TNR: variants seen among roughly 807,000 people sequenced by gnomAD.
The protein encoded by TNR is tenascin R.
Under a neutral mutation model 150.4 loss-of-function variants are expected in TNR, and 45 were observed. The ratio of observed to expected loss-of-function variants is 0.30; its 90% CI spans 0.24 to 0.38. The LOEUF (loss-of-function observed/expected upper bound fraction) is 0.38. TNR is among the 10% of genes least tolerant of loss of function. The pLI is 1.00. For synonymous variants in TNR, 687 were observed against 678.4 expected (o/e 1.01, Z -0.20); for missense variants, 1,544 against 1,759.1 (o/e 0.88, Z 2.19).
In TNR at chr1:175,403,636, G is replaced by T; in HGVS notation, c.500-20C>A. 1 of 1,591,148 alleles carries T rather than the reference G, an allele frequency of 6.3e-7. No homozygotes were observed. The highest frequency in any genetic ancestry group is 1.1e-5 in the South Asian group (1 of 88,152). Reference sequence around the variant, plus strand: ...GTTGTCCTGGAATGGTCAAGGAGAAGGTCAAAGAGCAGCAGTGGCCTCTCC... The same window carrying T: ...GTTGTCCTGGAATGGTCAAGGAGAATGTCAAAGAGCAGCAGTGGCCTCTCC... On this transcript the variant is annotated intron_variant, in intron 3 of 22. Coordinates refer to ENST00000367674, the MANE Select transcript of TNR (RefSeq NM_003285.3).
At chr1:175,400,975 G>T (rs1653680716) in intron 4 of TNR, among the ~76,000 whole-genome samples, 1 of 152,200 alleles carries the variant, frequency 6.6e-6, no homozygotes, top group Admixed American at 6.5e-5. Context: ...GGTTGCTATA[G>T]AAACAGATGG....
At chr1:175,630,088 G>A (rs552632735) in intron 1 of TNR, among the ~76,000 whole-genome samples, 3 of 152,262 alleles carry the variant, frequency 2.0e-5, no homozygotes, top group South Asian at 2.1e-4. Flanking sequence ...TGCCTGCCAC[G>A]GCTGCTGAAG....
At chr1:175,481,783 G>A (rs1657818839) in intron 2 of TNR, among the ~76,000 whole-genome samples, 1 of 152,106 alleles carries the variant, frequency 6.6e-6, no homozygotes, top group Admixed American at 6.5e-5. Flanking sequence ...CCTTACTCTG[G>A]TATCCTGAAT....
At position 175,366,150 on chromosome 1, in the gene TNR, C is replaced by T. The variant is rs1651832975; in HGVS notation, c.2054-12G>A. 6.3e-7 allele frequency: 1 copy of T among 1,578,160 alleles called. No homozygotes were observed. The highest frequency in any genetic ancestry group is 8.6e-7 in the Non-Finnish European group (1 of 1,161,412). ...GGGACTGTCAAGTTCTGTGGATTGA[C>T]ATAAATGGCCTATTTTACATGTGTT... is the stretch of plus-strand genomic sequence containing the variant. On this transcript the variant is annotated splice_polypyrimidine_tract_variant and intron_variant, in intron 10 of 22. Transcript: ENST00000367674.
intron 2 of TNR, among the ~76,000 whole-genome samples, chr1:175,420,628 A>G (rs1654708037): frequency 6.6e-6 from 1 of 152,240 alleles, no homozygotes; most frequent in South Asian, 2.1e-4. Context: ...ATGAGTCAGA[A>G]TAACAGAACA....
chr1:175,563,262 T>C (rs942448605), intron 1 of TNR, among the ~76,000 whole-genome samples: 2 of 152,186 alleles, frequency 1.3e-5, no homozygotes, highest in East Asian at 1.9e-4. Flanking sequence ...AGAAAGCCAG[T>C]AAAAAGGCAA....
chr1:175,672,064 G>T (rs1287950049), intron 1 of TNR, among the ~76,000 whole-genome samples: 2 of 152,136 alleles, frequency 1.3e-5, no homozygotes, highest in Non-Finnish European at 2.9e-5. Flanking sequence ...GAGATGGATG[G>T]ATAGATTCAA....
In TNR at chr1:175,330,235, C is replaced by T; in HGVS notation, c.3632G>A (p.Gly1211Glu). ...FGNVEDEFWL[G>E]LDNIHRITSQ... ...TGTGATCCTGTGTATATTGTCCAGC[C>T]CTGTGGAGAAGAGCAGAAAATGCAC... The change falls in exon 21 of 23, where the codon GGG becomes GAG. Residue 1211 changes from glycine to glutamate, a missense_variant and splice_region_variant. Gly to Glu is a moderately conservative substitution (Grantham distance 98). Around this residue, in one of 2 missense-constraint regions of TNR, gnomAD observed 290 missense variants for 429.7 expected, o/e 0.67. Transcript: ENST00000367674. The T allele has an allele frequency of 1.3e-6, 2 of 1,545,822 alleles. No individual in the cohort carries two copies. The highest frequency in any genetic ancestry group is 8.8e-7 in the Non-Finnish European group (1 of 1,135,438).
chr1:175,520,791 C>T (rs1230974067), intron 2 of TNR, among the ~76,000 whole-genome samples: 2 of 152,096 alleles, frequency 1.3e-5, no homozygotes, highest in African/African-American at 4.8e-5. Flanking sequence ...ACCCTCAATC[C>T]TGTCTTTCCT....
chr1:175,468,173 C>A (rs1331068957), intron 2 of TNR, among the ~76,000 whole-genome samples: 2 of 152,086 alleles, frequency 1.3e-5, no homozygotes, highest in East Asian at 3.9e-4. Flanking sequence ...TGGGAACTTG[C>A]CACTGATGCG....
chr1:175,681,524 T>C (rs1666034392), intron 1 of TNR, among the ~76,000 whole-genome samples: 1 of 152,178 alleles, frequency 6.6e-6, no homozygotes, highest in Non-Finnish European at 1.5e-5. Flanking sequence ...GATCCTTCCA[T>C]AAAGCCCAGG....
At chr1:175,665,813 A>G (rs773894443) in intron 1 of TNR, among the ~76,000 whole-genome samples, 21 of 152,204 alleles carry the variant, frequency 1.4e-4, no homozygotes, top group Non-Finnish European at 2.5e-4. Context: ...GGAGGCAGTT[A>G]GGTCATAAAC....
chr1:175,498,373 T>C (rs1476840167), intron 2 of TNR, among the ~76,000 whole-genome samples: 2 of 152,192 alleles, frequency 1.3e-5, no homozygotes, highest in Non-Finnish European at 2.9e-5. Flanking sequence ...TTCCCTTTCT[T>C]CTCTATCTGC....
intron 1 of TNR, among the ~76,000 whole-genome samples, chr1:175,577,902 G>C (rs1262655391): frequency 6.6e-6 from 1 of 152,144 alleles, no homozygotes; most frequent in Non-Finnish European, 1.5e-5. Context: ...AACTAAGAGT[G>C]GGTTGTCAAT....
At chr1:175,527,763 TA>T (rs1247519211) in intron 2 of TNR, among the ~76,000 whole-genome samples, 2 of 152,174 alleles carry the variant, frequency 1.3e-5, no homozygotes, top group Non-Finnish European at 2.9e-5. Flanking sequence ...AAAAAGGAAT[TA>T]GGAAAGCTTT....
At position 175,576,856 on chromosome 1, in the gene TNR, A is replaced by C. The variant is rs552158034; in HGVS notation, c.-164-48487T>G. ...TCCTCTTCCTCTGTGCTCCCAATTCACACTAATTACAACTTATTTTAGTGC... is the reference window on the plus strand; with the variant it reads ...TCCTCTTCCTCTGTGCTCCCAATTCCCACTAATTACAACTTATTTTAGTGC... On this transcript the variant is annotated intron_variant, in intron 1 of 22. Coordinates refer to ENST00000367674, the MANE Select transcript of TNR (RefSeq NM_003285.3). 2.0e-5 allele frequency among the ~76,000 whole-genome samples: 3 copies of C among 152,238 alleles called. No homozygotes were observed. The South Asian group carries it at 6.2e-4, about 32-fold the overall frequency.
At chr1:175,528,702 GACAAATGCTTGAC>G (rs1474099164) in intron 1 of TNR, among the ~76,000 whole-genome samples, 4 of 152,148 alleles carry the variant, frequency 2.6e-5, no homozygotes, top group African/African-American at 9.7e-5. Context: ...ATCTGATTAT[GACAAATGCTTGAC>G]ACTCCCTCCA....
chr1:175,364,724 G>A lies in TNR; in HGVS notation c.2587+286C>T, dbSNP rs553062258. Among the ~76,000 whole-genome samples the A allele has an allele frequency of 5.9e-5, 9 of 152,312 alleles. No homozygotes were observed. In the South Asian group the frequency reaches 1.7e-3, roughly 28 times the overall value. ...CTCTTGGAGACTAGCTTTCTCCAGT[G>A]CTTTTCTTCTAAGCTGGTAGTGGGA... On this transcript the variant is annotated intron_variant, in intron 12 of 22. Coordinates refer to ENST00000367674, the MANE Select transcript of TNR (RefSeq NM_003285.3).
intron 18 of TNR, among the ~76,000 whole-genome samples, chr1:175,347,786 A>G (rs1040150020): frequency 3.9e-5 from 6 of 152,150 alleles, no homozygotes; most frequent in Non-Finnish European, 5.9e-5. Flanking sequence ...TTAAAAAGGA[A>G]GATTTAGCAA....
Sources: gnomAD v4.1 joint callset for allele counts (sites outside exome capture counted in the v4.1 genomes callset) on GRCh38, gnomAD v4.1.1 for gene constraint, gnomAD v4.1.1 regional missense constraint, MANE v1.5 for transcripts, NCBI Gene and HGNC (gene_info 2026-07-23, HGNC 2026-07-21) for gene names.